The following KANK1 variants were observed in gnomAD, a reference collection of about 807,000 sequenced individuals.
The protein encoded by KANK1 is KN motif and ankyrin repeat domain-containing protein 1.
Under a neutral mutation model 106.2 loss-of-function variants are expected in KANK1, and 109 were observed. That is an observed-to-expected ratio of 1.03 (90% confidence interval 0.88 to 1.20). The LOEUF (loss-of-function observed/expected upper bound fraction) is 1.20, where lower values mean the gene tolerates loss of function less well. KANK1 is among the 50% of genes most tolerant of loss of function. The pLI is 0.00. For synonymous variants in KANK1, 873 were observed against 652.2 expected (o/e 1.34, Z -5.16); for missense variants, 2,399 against 1,710.7 (o/e 1.40, Z -7.10).
At chr9:502,776 T>A (rs2058580514), upstream of KANK1, among the ~76,000 whole-genome samples, 1 of 152,156 alleles carries the variant, frequency 6.6e-6, no homozygotes, top group Admixed American at 6.5e-5. Context: ...TCCACCCATC[T>A]CGGCCTCACA....
intron 1 of KANK1, among the ~76,000 whole-genome samples, chr9:610,497 CTG>C (rs1421260691): frequency 6.6e-6 from 1 of 152,182 alleles, no homozygotes. Flanking sequence ...ACAGTTCCCT[CTG>C]TGGATAAGCC....
chr9:517,631 A>G (rs1195931733), intron 1 of KANK1, among the ~76,000 whole-genome samples: 1 of 151,574 alleles, frequency 6.6e-6, no homozygotes, highest in Non-Finnish European at 1.5e-5. Context: ...TCTTCCTGAG[A>G]AAGAGTGGGG....
chr9:567,080 C>T (rs2134643236), intron 1 of KANK1, among the ~76,000 whole-genome samples: 1 of 152,310 alleles, frequency 6.6e-6, no homozygotes, highest in East Asian at 1.9e-4. Context: ...GTTATCACAG[C>T]ACCATTTATT....
At chr9:612,732 T>C (rs1830864226) in intron 1 of KANK1, among the ~76,000 whole-genome samples, 1 of 152,122 alleles carries the variant, frequency 6.6e-6, no homozygotes, top group African/African-American at 2.4e-5. Flanking sequence ...CAGGCGGCCA[T>C]ACTGGAATGG....
rs1481812195 is a variant in KANK1, at chr9:740,869, GAGA to G, written c.3634_3636del (p.Lys1212del). The G allele has an allele frequency of 3.7e-6, 6 of 1,614,140 alleles. No individual in the cohort carries two copies. Among genetic ancestry groups the G allele is most frequent in the South Asian group, 1.1e-5 (1 of 91,084 alleles). ...GGCGGCCCTCGCCGCTGTGGAAGCA[GAGA>G]AGGACATGCGGATTGTGGAAGAACT... On this transcript the variant is annotated inframe_deletion, in exon 9 of 12. Coordinates refer to ENST00000382297, the MANE Select transcript of KANK1 (RefSeq NM_015158.5).
intron 3 of KANK1, among the ~76,000 whole-genome samples, chr9:494,677 C>T (rs1435730306): frequency 6.6e-6 from 1 of 152,198 alleles, no homozygotes; most frequent in Non-Finnish European, 1.5e-5. Flanking sequence ...ACCATGTGAG[C>T]TGCTGAGTCT....
At chr9:503,995 G>C (rs113240937), upstream of KANK1, among the ~76,000 whole-genome samples, 66 of 152,320 alleles carry the variant, frequency 4.3e-4, 1 homozygote, top group African/African-American at 1.6e-3. Flanking sequence ...GCGAATGCAC[G>C]GAGGTCACAA....
chr9:548,486 AACGCTAAATAGCAGGG>A (rs747751724), intron 1 of KANK1, among the ~76,000 whole-genome samples: 1 of 152,200 alleles, frequency 6.6e-6, no homozygotes, highest in Non-Finnish European at 1.5e-5. Context: ...GGATGACTTT[AACGCTAAATAGCAGGG>A]GTGTTTCTCA....
chr9:622,518 A>G (rs1415971023), intron 1 of KANK1, among the ~76,000 whole-genome samples: 1 of 152,226 alleles, frequency 6.6e-6, no homozygotes, highest in African/African-American at 2.4e-5. Flanking sequence ...TCTTCGAAGA[A>G]TACTGTTGGG....
At chr9:590,000 C>T (rs557911091) in intron 1 of KANK1, among the ~76,000 whole-genome samples, 2 of 152,216 alleles carry the variant, frequency 1.3e-5, no homozygotes, top group East Asian at 1.9e-4. Flanking sequence ...TTTGTGAGCT[C>T]AGTGCTAGAC....
intron 1 of KANK1, among the ~76,000 whole-genome samples, chr9:639,678 G>C (rs1837952158): frequency 6.6e-6 from 1 of 152,198 alleles, no homozygotes; most frequent in African/African-American, 2.4e-5. Context: ...GTCTCAGGCT[G>C]TAAGTAAAGT....
At chr9:649,887 G>T (rs181865904) in intron 1 of KANK1, among the ~76,000 whole-genome samples, 3 of 152,140 alleles carry the variant, frequency 2.0e-5, no homozygotes, top group Non-Finnish European at 4.4e-5. Flanking sequence ...TGAAAGGATG[G>T]CTCTACATTG....
At chr9:678,149 G>A (rs1277671379) in intron 2 of KANK1, among the ~76,000 whole-genome samples, 1 of 152,104 alleles carries the variant, frequency 6.6e-6, no homozygotes, top group Non-Finnish European at 1.5e-5. Flanking sequence ...TTTGTTCTGG[G>A]ATGACTGATC....
chr9:476,878 A>G (rs2058114065), intron 3 of KANK1: 1 of 152,204 alleles, frequency 6.6e-6, no homozygotes, highest in Non-Finnish European at 1.5e-5. Context: ...CTTCTGAGCC[A>G]AAGTGAGAAA....
intron 1 of KANK1, among the ~76,000 whole-genome samples, chr9:633,829 T>G (rs1413475425): frequency 6.6e-6 from 1 of 152,066 alleles, no homozygotes; most frequent in Non-Finnish European, 1.5e-5. Flanking sequence ...AGTTTTTATT[T>G]TTAGTAGGGA....
rs1837007038 is a variant in KANK1 at position 745,741 on chromosome 9, A to G, written c.*506A>G. ...AACTTGGGCCTGGGCCAGACAAAGT[A>G]TAAAACTTACAAAAGAATATTCTCA... On this transcript the variant is annotated 3_prime_UTR_variant, in exon 12 of 12. Coordinates refer to ENST00000382297, the MANE Select transcript of KANK1 (RefSeq NM_015158.5). The G allele has an allele frequency of 6.5e-6, 1 of 152,698 alleles. No individual in the cohort carries two copies. The highest frequency in any genetic ancestry group is 2.1e-4 in the South Asian group (1 of 4,836). 9.5% of individuals were successfully genotyped at this position (152,698 alleles called of 1,614,324 possible). A position where few individuals can be genotyped will look rare whatever the true frequency, so the allele number is the denominator to read the frequency against.
At chr9:593,966 G>C (rs918013221) in intron 1 of KANK1, among the ~76,000 whole-genome samples, 1 of 151,838 alleles carries the variant, frequency 6.6e-6, no homozygotes, top group South Asian at 2.1e-4. Flanking sequence ...GGTGAGGGTG[G>C]AGAGCAAAGT....
intron 1 of KANK1, among the ~76,000 whole-genome samples, chr9:625,176 A>G (rs1407216770): frequency 6.6e-6 from 1 of 152,224 alleles, no homozygotes; most frequent in East Asian, 1.9e-4. Flanking sequence ...TCTAAGAGCC[A>G]GATTTCCTCA....
chr9:586,276 T>C (rs577825355), intron 1 of KANK1, among the ~76,000 whole-genome samples: 1 of 152,138 alleles, frequency 6.6e-6, no homozygotes, highest in African/African-American at 2.4e-5. Flanking sequence ...AGTTCTTCAT[T>C]TTACAGTCAA....
Sources: allele counts gnomAD v4.1 joint callset (sites outside exome capture counted in the v4.1 genomes callset), GRCh38; gene constraint gnomAD v4.1.1; transcripts MANE v1.5; gene names NCBI Gene and HGNC (gene_info 2026-07-23, HGNC 2026-07-21).